Variants in SNED1 observed in about 807,000 individuals in gnomAD.
The protein encoded by SNED1 is sushi, nidogen and EGF-like domain-containing protein 1.
Under a neutral mutation model 166.7 loss-of-function variants are expected in SNED1, and 81 were observed. That is an observed-to-expected ratio of 0.49 (90% CI 0.41 to 0.58). SNED1 has a LOEUF of 0.58. Ranked by LOEUF, SNED1 falls within the 20% of genes least tolerant of loss-of-function variation. SNED1 has a pLI of 0.00. For missense variants in SNED1, 1,604 were observed against 2,000.2 expected (o/e 0.80, Z 3.78); for synonymous variants, 762 against 822.0 (o/e 0.93, Z 1.25).
intron 6 of SNED1, among the ~76,000 whole-genome samples, chr2:241,038,073 C>CCG (rs2061427484): frequency 6.6e-6 from 1 of 151,786 alleles, no homozygotes; most frequent in South Asian, 2.1e-4. Flanking sequence ...AGGTGGACCC[C>CCG]CCCCCAATTC....
intron 1 of SNED1, among the ~76,000 whole-genome samples, chr2:241,024,499 G>A (rs555908319): frequency 8.0e-5 from 12 of 149,816 alleles, no homozygotes; most frequent in South Asian, 2.1e-4. Context: ...CACTCACCTC[G>A]GCCTCCAAAA....
intron 26 of SNED1, 89 bp downstream of exon 26, chr2:241,071,967 C>G (rs1354272328): frequency 1.9e-6 from 2 of 1,077,276 alleles, no homozygotes; most frequent in Admixed American, 2.0e-5. Context: ...ACATGATGAG[C>G]CCACCCCCAC....
rs145017093 is a variant in SNED1 at position 241,067,523 on chromosome 2, G to A, written c.3011-241G>A. ...AAGACCCCTGCCTCTGGTAAGACGGGCTGGCCCACAGCGGGCTCTGCAGCC... is the reference window on the plus strand; with the variant it reads ...AAGACCCCTGCCTCTGGTAAGACGGACTGGCCCACAGCGGGCTCTGCAGCC... On this transcript the variant is annotated intron_variant, in intron 21 of 31. Coordinates refer to ENST00000310397, the MANE Select transcript of SNED1 (RefSeq NM_001080437.3). Among the ~76,000 whole-genome samples, 773 of 152,322 alleles carry A rather than the reference G, an allele frequency of 5.1e-3. 2 individuals are homozygous for A. Among genetic ancestry groups the A allele is most frequent in the African/African-American group, 0.018 (730 of 41,566 alleles).
At chr2:241,078,177 G>A (rs930225401) in intron 27 of SNED1, among the ~76,000 whole-genome samples, 6 of 151,842 alleles carry the variant, frequency 4.0e-5, no homozygotes, top group African/African-American at 4.9e-5. Context: ...CAGGTCAGGC[G>A]TTCGAGACAA....
chr2:241,036,103 T>G (rs1239598875), intron 4 of SNED1, among the ~76,000 whole-genome samples: 410 of 10,648 alleles, frequency 0.039, no homozygotes, highest in Admixed American at 0.046. Context: ...GGGGTGGGGG[T>G]TGGGGAGTAG....
At chr2:241,036,039 G>GT (rs2061351511) in intron 4 of SNED1, among the ~76,000 whole-genome samples, 1 of 22,952 alleles carries the variant, frequency 4.4e-5, no homozygotes, top group African/African-American at 4.4e-4. Context: ...CACGGGGTGG[G>GT]TGGGGGGTGG....
rs756735329 is a variant in SNED1, at chr2:241,065,429, C to T, written c.2844C>T (p.Ser948=). 62 of 1,612,952 alleles carry T rather than the reference C, an allele frequency of 3.8e-5. No homozygotes were observed. Among genetic ancestry groups the T allele is most frequent in the East Asian group, 6.7e-5 (3 of 44,888 alleles). Reference sequence around the variant, plus strand: ...GCTACGCGGTCACCTACGTCTCCTCCGACGGCTCCTACCGCCGCACAGACT... The same window carrying T: ...GCTACGCGGTCACCTACGTCTCCTCTGACGGCTCCTACCGCCGCACAGACT... ...LDGYAVTYVS[S]DGSYRRTDFV... The change falls in exon 21 of 32, where the codon TCC becomes TCT. Residue 948 remains serine (S), a synonymous_variant. Transcript: ENST00000310397.
chr2:241,028,704 C>T (rs2124968743), intron 1 of SNED1, among the ~76,000 whole-genome samples: 1 of 152,316 alleles, frequency 6.6e-6, no homozygotes, highest in African/African-American at 2.4e-5. Flanking sequence ...GTTTTGAAAT[C>T]TGGAAGTGTA....
intron 31 of SNED1, 43 bp downstream of exon 31, chr2:241,088,445 G>C (rs1380604347): frequency 6.5e-7 from 1 of 1,536,810 alleles, no homozygotes; most frequent in Non-Finnish European, 9.0e-7. Context: ...AGAGCTGCTG[G>C]GAAGTGGGGG....
chr2:241,064,839 C>T lies in SNED1; in HGVS notation c.2600-5C>T. On this transcript the variant is annotated splice_polypyrimidine_tract_variant and splice_region_variant and intron_variant, in intron 19 of 31. Coordinates refer to ENST00000310397, the MANE Select transcript of SNED1 (RefSeq NM_001080437.3). This position sits in a 1 kb window ranked among gnomAD's most constrained non-coding sequence, Gnocchi z 7.0. Reference sequence around the variant, plus strand: ...AACATACACTGCCACTTTTTCTCCCCTCAGTGAGTGACCCCTGCTTCTCCA... The same window carrying T: ...AACATACACTGCCACTTTTTCTCCCTTCAGTGAGTGACCCCTGCTTCTCCA... 6.3e-7 allele frequency: 1 copy of T among 1,579,502 alleles called. No homozygotes were observed. Among genetic ancestry groups the T allele is most frequent in the Non-Finnish European group, 8.6e-7 (1 of 1,168,100 alleles).
At chr2:241,033,066 C>G (rs547827467) in intron 2 of SNED1, among the ~76,000 whole-genome samples, 4 of 152,304 alleles carry the variant, frequency 2.6e-5, no homozygotes, top group African/African-American at 4.8e-5. Context: ...AGTCCTTTCC[C>G]TTTCCTGAGT....
intron 1 of SNED1, among the ~76,000 whole-genome samples, chr2:241,029,565 A>G (rs1210757744): frequency 6.6e-6 from 1 of 152,222 alleles, no homozygotes; most frequent in African/African-American, 2.4e-5. Flanking sequence ...CATTCCAACC[A>G]TAGCCCCCTG....
At position 241,030,362 on chromosome 2, in the gene SNED1, C is replaced by T. The variant is rs780857402; in HGVS notation, c.292C>T (p.Arg98Cys). 3.7e-6 allele frequency: 6 copies of T among 1,610,910 alleles called. No individual in the cohort carries two copies. The highest frequency in any genetic ancestry group is 5.1e-6 in the Non-Finnish European group (6 of 1,178,672). Reference sequence around the variant, plus strand: ...AGTGGCCTTCCCCATTGCCAAGGACCGCTGCGTGGTGGCAGCCTTCTGGGC... The same window carrying T: ...AGTGGCCTTCCCCATTGCCAAGGACTGCTGCGTGGTGGCAGCCTTCTGGGC... ...TPVAFPIAKDRCVVAAFWADV... is the reference protein window; with the variant it reads ...TPVAFPIAKDCCVVAAFWADV... The change falls in exon 2 of 32, where the codon CGC becomes TGC. Residue 98 changes from arginine to cysteine, a missense_variant. Around this residue, in one of 2 missense-constraint regions of SNED1, gnomAD observed 1,237 missense variants for 1,620.8 expected, o/e 0.76. Transcript: ENST00000310397.
intron 1 of SNED1, among the ~76,000 whole-genome samples, chr2:241,003,120 T>TC (rs2060124359): frequency 1.7e-4 from 4 of 23,586 alleles, no homozygotes; most frequent in Non-Finnish European, 1.9e-4. Context: ...CCCTCCGCCC[T>TC]CCCCCGGGCC....
At chr2:241,048,238 G>C in intron 8 of SNED1, 77 bp from the exon 9 acceptor site, 1 of 1,452,906 alleles carries the variant, frequency 6.9e-7, no homozygotes, top group South Asian at 1.4e-5. Flanking sequence ...ACCCAAAGGT[G>C]CCATTGGAGC....
rs202186619 is a variant in SNED1 at position 241,048,668 on chromosome 2, C to G, written c.1406C>G (p.Pro469Arg). 21 of 1,609,598 alleles carry G rather than the reference C, an allele frequency of 1.3e-5. No homozygotes were observed. In the African/African-American group the frequency reaches 2.5e-4, roughly 19 times the overall value. ...FMGLDCRERV[P>R]DDCECRNGGR... ...CTCCCTCTCTTCGTGGCAGGAGTCC[C>G]CGATGACTGTGAGTGCCGCAACGGA... The change falls in exon 10 of 32, where the codon CCC (proline) becomes CGC (arginine). Residue 469 changes from proline to arginine, a missense_variant. Physicochemically the swap from Pro to Arg is moderately radical, Grantham distance 103. Transcript: ENST00000310397.
chr2:241,082,322 CAA>C lies in SNED1; in HGVS notation c.4081_4082del (p.Lys1361GlyfsTer15). The C allele has an allele frequency of 6.2e-7, 1 of 1,613,698 alleles. No homozygotes were observed. Among genetic ancestry groups the C allele is most frequent in the Non-Finnish European group, 8.5e-7 (1 of 1,179,622 alleles). On this transcript the variant is annotated frameshift_variant, in exon 29 of 32. Coordinates refer to ENST00000310397, the MANE Select transcript of SNED1 (RefSeq NM_001080437.3). LOFTEE classifies it high-confidence loss of function. ...CCCTGCACAAGGCTGTTCTCCGAGA[CAA>C]AGGCCTTTCCAGTCTGGGAGGGAGG...
Position 241,053,277 on chromosome 2 carries a change from C to T in SNED1, c.2208C>T (p.Ile736=). ...RGYSLSAPSR[I]RVCQPHGVWS... ...ACAGCCTGAGCGCCCCCAGCCGCAT[C>T]CGGGTCTGCCAGCCACACGGTGTCT... Residue 736 remains isoleucine (I), a synonymous_variant, in exon 16 of 32, where the codon ATC becomes ATT. Coordinates refer to ENST00000310397, the MANE Select transcript of SNED1 (RefSeq NM_001080437.3). 6.2e-7 allele frequency: 1 copy of T among 1,601,718 alleles called. No individual in the cohort carries two copies. Among genetic ancestry groups the T allele is most frequent in the Admixed American group, 1.7e-5 (1 of 59,630 alleles).
chr2:241,056,278 T>G (rs1261135572), intron 16 of SNED1, among the ~76,000 whole-genome samples: 1 of 152,214 alleles, frequency 6.6e-6, no homozygotes. Context: ...ATAAATTGTT[T>G]TATTTGTTAT....
Sources: allele counts gnomAD v4.1 joint callset (sites outside exome capture counted in the v4.1 genomes callset), GRCh38; gene constraint gnomAD v4.1.1; regional missense constraint gnomAD v4.1.1; non-coding constraint Gnocchi (gnomAD v3.1); transcripts MANE v1.5; gene names NCBI Gene and HGNC (gene_info 2026-07-23, HGNC 2026-07-21).